Variants in AP2B1 observed in about 807,000 individuals in gnomAD.
AP2B1 encodes adaptor related protein complex 2 subunit beta 1, also known as AP-2 complex subunit beta.
Under a neutral mutation model 102.0 loss-of-function variants are expected in AP2B1, and 23 were observed. The observed-to-expected ratio is 0.23, with a 90% CI of 0.16 to 0.32. The LOEUF (loss-of-function observed/expected upper bound fraction) is 0.32, where lower values mean the gene tolerates loss of function less well. AP2B1 is among the 10% of genes least tolerant of loss of function. AP2B1 has a pLI of 1.00. For synonymous variants in AP2B1, 381 were observed against 421.2 expected (o/e 0.90, Z 1.17); for missense variants, 541 against 1,157.4 (o/e 0.47, Z 7.73).
intron 9 of AP2B1, among the ~76,000 whole-genome samples, chr17:35,634,386 C>A (rs1423575019): frequency 6.6e-6 from 1 of 152,076 alleles, no homozygotes; most frequent in African/African-American, 2.4e-5. Context: ...TTGGGTGATT[C>A]TCTGTACTTC....
intron 20 of AP2B1, among the ~76,000 whole-genome samples, chr17:35,713,226 A>T (rs1388626485): frequency 6.6e-6 from 1 of 152,234 alleles, no homozygotes; most frequent in Non-Finnish European, 1.5e-5. Flanking sequence ...CAATCGCTCC[A>T]TGCTGTAGGT....
intron 5 of AP2B1, among the ~76,000 whole-genome samples, chr17:35,622,069 C>T (rs1011792862): frequency 6.6e-6 from 1 of 152,086 alleles, no homozygotes; most frequent in African/African-American, 2.4e-5. Context: ...GCATGTGAAG[C>T]ACATGGAAGG....
At chr17:35,706,073 C>T (rs1321180833) in intron 18 of AP2B1, among the ~76,000 whole-genome samples, 2 of 152,160 alleles carry the variant, frequency 1.3e-5, no homozygotes, top group African/African-American at 4.8e-5. Flanking sequence ...GTGTGGGTAT[C>T]CTAGCTCCTC....
chr17:35,642,401 A>G (rs893385184), intron 12 of AP2B1, among the ~76,000 whole-genome samples: 5 of 152,212 alleles, frequency 3.3e-5, no homozygotes, highest in Non-Finnish European at 7.3e-5. Flanking sequence ...TTAAGTGTTT[A>G]TGCTGCTTCC....
At chr17:35,678,257 AACTT>A (rs1392811826) in intron 17 of AP2B1, among the ~76,000 whole-genome samples, 34 of 152,280 alleles carry the variant, frequency 2.2e-4, no homozygotes, top group African/African-American at 7.5e-4. Flanking sequence ...AACTTTGTTA[AACTT>A]ACTTTTTCTT....
At chr17:35,590,385 A>G (rs2073056714) in intron 1 of AP2B1, among the ~76,000 whole-genome samples, 1 of 152,152 alleles carries the variant, frequency 6.6e-6, no homozygotes. Flanking sequence ...TTGAGGTGAA[A>G]TTCACGTACC....
chr17:35,588,030 G>GTTCC (rs1478224622), intron 1 of AP2B1: 1 of 151,094 alleles, frequency 6.6e-6, no homozygotes, highest in African/African-American at 2.4e-5. Flanking sequence ...ATGTAAGAGA[G>GTTCC]GGGGAAGCAA....
chr17:35,606,440 A>T lies in AP2B1; in HGVS notation c.279+600A>T, dbSNP rs553217295. Reference sequence around the variant, plus strand: ...TTTTTAGTAGAGACAGGGTTTCACCATGTTGGTCAGGCTGATCTCGTGCTC... The same window carrying T: ...TTTTTAGTAGAGACAGGGTTTCACCTTGTTGGTCAGGCTGATCTCGTGCTC... On this transcript the variant is annotated intron_variant, in intron 4 of 21. Transcript: ENST00000610402. Among the ~76,000 whole-genome samples the T allele has an allele frequency of 3.3e-5, 5 of 152,162 alleles. No individual in the cohort carries two copies. The South Asian group carries it at 1.0e-3, about 32-fold the overall frequency.
At chr17:35,639,563 C>T (rs1310403406) in intron 10 of AP2B1, 32 bp from the exon 11 acceptor site, 2 of 1,579,560 alleles carry the variant, frequency 1.3e-6, no homozygotes, top group African/African-American at 2.7e-5. Context: ...TAGTTTTGCC[C>T]TCAATAACCA....
At chr17:35,634,916 C>A (rs2142670512) in intron 9 of AP2B1, among the ~76,000 whole-genome samples, 1 of 152,314 alleles carries the variant, frequency 6.6e-6, no homozygotes, top group African/African-American at 2.4e-5. Flanking sequence ...TTCTTTCCTC[C>A]TACGATGGCT....
At chr17:35,719,150 C>T (rs2085277973) in intron 21 of AP2B1, among the ~76,000 whole-genome samples, 1 of 152,140 alleles carries the variant, frequency 6.6e-6, no homozygotes, top group Admixed American at 6.5e-5. Context: ...ATAATAACAT[C>T]TTACACACCC....
intron 9 of AP2B1, among the ~76,000 whole-genome samples, chr17:35,633,975 CG>C (rs2074535957): frequency 6.6e-6 from 1 of 151,992 alleles, no homozygotes; most frequent in Admixed American, 6.6e-5. Flanking sequence ...GGTGAAACCC[CG>C]TCTCTACTAA....
rs1386508086 is a variant in AP2B1 at position 35,605,976 on chromosome 17, G to A, written c.279+136G>A. ...TTAAGCATTCTGTATACCAGTGTGT[G>A]TCATCCAGGGAAATTCAAACCATGT... On this transcript the variant is annotated intron_variant, in intron 4 of 21. Transcript: ENST00000610402. The A allele has an allele frequency of 5.8e-6, 8 of 1,381,090 alleles. No homozygotes were observed. The South Asian group carries it at 7.6e-5, about 13-fold the overall frequency. The allele number at this position is 1,381,090 out of a possible 1,614,324, so 85.6% of individuals were successfully genotyped here.
At chr17:35,646,586 A>T (rs985023492) in intron 12 of AP2B1, among the ~76,000 whole-genome samples, 3 of 135,626 alleles carry the variant, frequency 2.2e-5, no homozygotes, top group Non-Finnish European at 3.1e-5. Context: ...TATATATATA[A>T]TTTTTTTTTT....
rs141485044 is a variant in AP2B1, at chr17:35,666,010, G to A, written c.1990-4847G>A. Among the ~76,000 whole-genome samples, 377 of 152,172 alleles carry A rather than the reference G, an allele frequency of 2.5e-3. 3 individuals are homozygous for A. The highest frequency in any genetic ancestry group is 0.017 in the Middle Eastern group (5 of 292). ...AAATTTTCTTTTCTTGGAGTCAGGCGGATTTATTCCCCTATATAACTTCAA... is the reference window on the plus strand; with the variant it reads ...AAATTTTCTTTTCTTGGAGTCAGGCAGATTTATTCCCCTATATAACTTCAA... On this transcript the variant is annotated intron_variant, in intron 14 of 21. Coordinates refer to ENST00000610402, the MANE Select transcript of AP2B1 (RefSeq NM_001030006.2).
intron 14 of AP2B1, among the ~76,000 whole-genome samples, chr17:35,666,722 C>G (rs377589931): frequency 3.3e-5 from 5 of 152,154 alleles, no homozygotes; most frequent in African/African-American, 1.2e-4. Context: ...CCTCCTGTCT[C>G]CTACCAGCTC....
At chr17:35,661,657 A>G (rs556282040) in intron 14 of AP2B1, among the ~76,000 whole-genome samples, 48 of 152,334 alleles carry the variant, frequency 3.2e-4, no homozygotes, top group African/African-American at 1.0e-3. Context: ...CTTACTTGCC[A>G]TAATTGGAGA....
intron 9 of AP2B1, among the ~76,000 whole-genome samples, chr17:35,630,951 T>C (rs774599724): frequency 1.3e-5 from 2 of 152,200 alleles, no homozygotes; most frequent in Non-Finnish European, 2.9e-5. Context: ...AAACAGTTAA[T>C]TGGACCAGGA....
At position 35,601,564 on chromosome 17, in the gene AP2B1, C is replaced by G. The variant is rs539939208; in HGVS notation, c.143+3229C>G. On this transcript the variant is annotated intron_variant, in intron 3 of 21. Transcript: ENST00000610402. Reference sequence around the variant, plus strand: ...GATTACAGGCATGAGCCACCATGCCCGGCCAAGATTCATATAGATGAACAC... The same window carrying G: ...GATTACAGGCATGAGCCACCATGCCGGGCCAAGATTCATATAGATGAACAC... 1.2e-4 allele frequency among the ~76,000 whole-genome samples: 19 copies of G among 152,232 alleles called. No individual in the cohort carries two copies. The South Asian group carries it at 3.7e-3, about 30-fold the overall frequency.
Sources: allele counts gnomAD v4.1 joint callset (sites outside exome capture counted in the v4.1 genomes callset), GRCh38; gene constraint gnomAD v4.1.1; transcripts MANE v1.5; gene names NCBI Gene and HGNC (gene_info 2026-07-23, HGNC 2026-07-21).